The following BRDT variants were observed in gnomAD, a reference collection of about 807,000 sequenced individuals.
BRDT encodes bromodomain testis associated, also known as bromodomain testis-specific protein.
Under a neutral mutation model 113.9 loss-of-function variants are expected in BRDT, and 77 were observed. The observed-to-expected ratio is 0.68, with a 90% CI of 0.56 to 0.82. The LOEUF (loss-of-function observed/expected upper bound fraction) is 0.82, where lower values mean the gene tolerates loss of function less well. BRDT is among the 40% of genes least tolerant of loss of function. The pLI is 0.00. For synonymous variants in BRDT, 358 were observed against 366.5 expected, an observed-to-expected ratio of 0.98 and a Z score of 0.26; for missense variants, 1,027 against 1,105.4, an observed-to-expected ratio of 0.93 and a Z score of 1.01.
intron 16 of BRDT, among the ~76,000 whole-genome samples, 185 bp from the exon 17 acceptor site, chr1:92,004,229 T>C (rs1383912452): frequency 2.0e-5 from 3 of 152,168 alleles, no homozygotes; most frequent in Non-Finnish European, 2.9e-5. Context: ...TGATCTATTA[T>C]GTTTTTGTAT....
chr1:91,997,118 AT>A (rs139209679), intron 15 of BRDT, among the ~76,000 whole-genome samples: 11,948 of 150,576 alleles, frequency 0.079, 608 homozygotes, highest in African/African-American at 0.14. Context: ...AGGAAGATAG[AT>A]TTTTTTTTTA....
In BRDT at chr1:91,978,310, T is replaced by G; in HGVS notation, c.1098+14T>G. 1.2e-6 allele frequency: 2 copies of G among 1,612,926 alleles called. No homozygotes were observed. Among genetic ancestry groups the G allele is most frequent in the African/African-American group, 2.7e-5 (2 of 74,984 alleles). ...AGAATGCTTCAGGTGAGCTGTTACTTGTGCTCTGAAGGTGTTTTTCCTCTG... is the reference window on the plus strand; with the variant it reads ...AGAATGCTTCAGGTGAGCTGTTACTGGTGCTCTGAAGGTGTTTTTCCTCTG... On this transcript the variant is annotated intron_variant, in intron 7 of 18. Coordinates refer to ENST00000399546, the MANE Select transcript of BRDT (RefSeq NM_207189.4).
At chr1:91,970,547 G>A (rs141917675) in intron 4 of BRDT, among the ~76,000 whole-genome samples, 7 of 152,198 alleles carry the variant, frequency 4.6e-5, no homozygotes, top group African/African-American at 1.2e-4. Flanking sequence ...GATTACAGGC[G>A]TGAGCCACCA....
intron 15 of BRDT, among the ~76,000 whole-genome samples, chr1:91,994,588 C>G (rs540372921): frequency 2.0e-5 from 3 of 152,118 alleles, no homozygotes; most frequent in South Asian, 2.1e-4. Context: ...AAGGGAGGGC[C>G]GGGCGCGGTG....
chr1:91,952,967 T>C (rs1297610736), intron 1 of BRDT, among the ~76,000 whole-genome samples: 1 of 152,108 alleles, frequency 6.6e-6, no homozygotes, highest in Non-Finnish European at 1.5e-5. Context: ...TCTTTATTAT[T>C]ATACTTTAAG....
In BRDT at chr1:91,959,982, G is replaced by T. The variant is rs1370860920; in HGVS notation, c.-37-2736G>T. On this transcript the variant is annotated intron_variant, in intron 1 of 18. Coordinates refer to ENST00000399546, the MANE Select transcript of BRDT (RefSeq NM_207189.4). Reference sequence around the variant, plus strand: ...CTCCAGAGATTGGGACCTGAGCATTGGTATTTTTAAAGACCCACAGCTCCT... The same window carrying T: ...CTCCAGAGATTGGGACCTGAGCATTTGTATTTTTAAAGACCCACAGCTCCT... 3.3e-5 allele frequency among the ~76,000 whole-genome samples: 5 copies of T among 152,106 alleles called. No homozygotes were observed. In the East Asian group the frequency reaches 9.6e-4, roughly 29 times the overall value.
At chr1:92,007,570 T>C (rs1221504319) in intron 18 of BRDT, among the ~76,000 whole-genome samples, 1 of 152,240 alleles carries the variant, frequency 6.6e-6, no homozygotes, top group Non-Finnish European at 1.5e-5. Flanking sequence ...ATGATCTCCT[T>C]CTTTATGTCT....
intron 13 of BRDT, 51 bp downstream of exon 13, chr1:91,991,296 TGG>T: frequency 9.3e-7 from 1 of 1,077,376 alleles, no homozygotes; most frequent in Non-Finnish European, 1.3e-6. Context: ...GTATAACTCA[TGG>T]GTATAGTAGT....
In BRDT at chr1:91,994,175, A is replaced by G. The variant is rs543477884; in HGVS notation, c.2208A>G (p.Gln736=). The G allele has an allele frequency of 3.1e-6, 5 of 1,613,272 alleles. No homozygotes were observed. Among genetic ancestry groups the G allele is most frequent in the Non-Finnish European group, 4.2e-6 (5 of 1,179,356 alleles). ...PSHVMPPNHH[Q]LAFNYQELEH... The stretch of plus-strand genomic sequence containing the variant: ...ATGTAATGCCACCAAATCACCACCA[A>G]TTAGCATTTAATTATCAAGAATTAG... Residue 736 remains glutamine, a synonymous_variant, in exon 15 of 19, where the codon CAA becomes CAG. Transcript: ENST00000399546.
intron 12 of BRDT, among the ~76,000 whole-genome samples, chr1:91,983,694 G>GTT (rs142222268): frequency 2.3e-4 from 32 of 139,470 alleles, no homozygotes; most frequent in African/African-American, 3.9e-4. Context: ...TGTTTTTTTG[G>GTT]TTTTTTTTTT....
At chr1:91,977,447 C>A in intron 6 of BRDT, 54 bp downstream of exon 6, 2 of 1,320,318 alleles carry the variant, frequency 1.5e-6, no homozygotes, top group South Asian at 1.6e-5. Context: ...AAAAGTAATT[C>A]ATCATTGCAA....
At chr1:91,974,379 C>G (rs1349433898) in intron 4 of BRDT, among the ~76,000 whole-genome samples, 2 of 152,164 alleles carry the variant, frequency 1.3e-5, no homozygotes, top group Non-Finnish European at 2.9e-5. Context: ...TTTTTGCAAT[C>G]TACTCATCTG....
chr1:91,959,507 G>A (rs143497782), intron 1 of BRDT, among the ~76,000 whole-genome samples: 1 of 150,794 alleles, frequency 6.6e-6, no homozygotes, highest in East Asian at 2.0e-4. Context: ...TTGAGACAGG[G>A]TCTTGCTGTG....
At chr1:91,998,295 G>T (rs1332514058) in intron 15 of BRDT, among the ~76,000 whole-genome samples, 4 of 152,084 alleles carry the variant, frequency 2.6e-5, no homozygotes. Flanking sequence ...TCATAAGTGG[G>T]AGTTGAACAC....
chr1:91,993,879 C>A (rs1686025261), intron 14 of BRDT, among the ~76,000 whole-genome samples: 1 of 152,070 alleles, frequency 6.6e-6, no homozygotes, highest in Admixed American at 6.6e-5. Flanking sequence ...CATATAATGG[C>A]CAAGTTATTT....
At chr1:91,979,024 A>AACT (rs1406209732) in intron 7 of BRDT, among the ~76,000 whole-genome samples, 3 of 147,864 alleles carry the variant, frequency 2.0e-5, no homozygotes, top group Admixed American at 2.0e-4. Context: ...CAACAACAAC[A>AACT]ACAAAAAAAA....
At chr1:91,956,212 T>C (rs1681749457) in intron 1 of BRDT, among the ~76,000 whole-genome samples, 1 of 152,184 alleles carries the variant, frequency 6.6e-6, no homozygotes, top group Non-Finnish European at 1.5e-5. Context: ...TCTTTTTTTC[T>C]TTTGCCACCT....
intron 15 of BRDT, among the ~76,000 whole-genome samples, chr1:91,997,524 C>T (rs893129284): frequency 6.6e-6 from 1 of 152,060 alleles, no homozygotes; most frequent in Admixed American, 6.6e-5. Flanking sequence ...GCTAGGGTAG[C>T]CTTGCCCTTG....
At chr1:92,010,516 T>C (rs1231642324) in intron 18 of BRDT, among the ~76,000 whole-genome samples, 4 of 151,846 alleles carry the variant, frequency 2.6e-5, no homozygotes, top group African/African-American at 9.7e-5. Context: ...CAAACTCCTG[T>C]CCTTAAGGGA....
Sources: allele counts gnomAD v4.1 joint callset (sites outside exome capture counted in the v4.1 genomes callset), GRCh38; gene constraint gnomAD v4.1.1; transcripts MANE v1.5; gene names NCBI Gene and HGNC (gene_info 2026-07-23, HGNC 2026-07-21).